Variants in CHKA observed in about 807,000 individuals in gnomAD.
The protein encoded by CHKA is CHETK-alpha.
A neutral mutation model predicts 60.1 loss-of-function variants in CHKA; 34 were observed. The observed-to-expected ratio is 0.57, with a 90% CI of 0.43 to 0.75. The LOEUF (loss-of-function observed/expected upper bound fraction) is 0.75, where lower values mean the gene tolerates loss of function less well. Among genes scored for constraint, CHKA ranks in the 30% least tolerant of loss-of-function variants. The probability of loss-of-function intolerance (pLI) is 0.00; values close to 1 mark genes in which losing one functional copy is unlikely to be tolerated. For synonymous variants in CHKA, 217 were observed against 223.1 expected (o/e 0.97, Z 0.24); for missense variants, 563 against 561.3 (o/e 1.00, Z -0.03).
intron 1 of CHKA, among the ~76,000 whole-genome samples, chr11:68,109,235 G>T (rs372537097): frequency 6.6e-6 from 1 of 151,544 alleles, no homozygotes; most frequent in Non-Finnish European, 1.5e-5. Flanking sequence ...GACTACAGGC[G>T]CCCGCCACCA....
At chr11:68,117,122 C>T (rs1858418161) in intron 1 of CHKA, among the ~76,000 whole-genome samples, 1 of 152,058 alleles carries the variant, frequency 6.6e-6, no homozygotes, top group Non-Finnish European at 1.5e-5. Flanking sequence ...ACAAGGCCTG[C>T]ATGTACAAAG....
At chr11:68,080,787 G>A (rs1856961862) in intron 3 of CHKA, among the ~76,000 whole-genome samples, 1 of 152,236 alleles carries the variant, frequency 6.6e-6, no homozygotes, top group Non-Finnish European at 1.5e-5. Flanking sequence ...TGGCAGAGAT[G>A]CTCAAAAGGT....
chr11:68,073,375 C>T (rs111857285), intron 4 of CHKA, among the ~76,000 whole-genome samples: 2,148 of 152,130 alleles, frequency 0.014, 62 homozygotes, highest in African/African-American at 0.049. Flanking sequence ...TCATCTCGGC[C>T]GGGCGCGGTG....
chr11:68,073,959 T>G (rs1328907123), intron 4 of CHKA, among the ~76,000 whole-genome samples: 1 of 152,136 alleles, frequency 6.6e-6, no homozygotes, highest in Admixed American at 6.5e-5. Context: ...AGACGAGCAT[T>G]GCCAATCAAA....
At chr11:68,071,128 A>AACT in intron 4 of CHKA, among the ~76,000 whole-genome samples, 1 of 152,226 alleles carries the variant, frequency 6.6e-6, no homozygotes, top group East Asian at 1.9e-4. Context: ...AATTTTATTG[A>AACT]ACTACTACAC....
At chr11:68,084,882 T>C (rs1857131599) in intron 2 of CHKA, among the ~76,000 whole-genome samples, 1 of 152,126 alleles carries the variant, frequency 6.6e-6, no homozygotes, top group Admixed American at 6.5e-5. Context: ...AGGGTATATC[T>C]GAAATTCCCC....
chr11:68,084,445 T>C (rs1012778237), intron 2 of CHKA, among the ~76,000 whole-genome samples: 2 of 142,558 alleles, frequency 1.4e-5, no homozygotes, highest in Non-Finnish European at 3.1e-5. Flanking sequence ...TACGTATATA[T>C]ATGTGTGTAT....
intron 2 of CHKA, among the ~76,000 whole-genome samples, chr11:68,086,487 C>A: frequency 6.6e-6 from 1 of 152,128 alleles, no homozygotes; most frequent in Non-Finnish European, 1.5e-5. Flanking sequence ...CCTATTTAAG[C>A]CATCAGACAG....
intron 6 of CHKA, 94 bp from the exon 7 acceptor site, chr11:68,069,031 C>T (rs1280335116): frequency 1.2e-6 from 1 of 865,822 alleles, no homozygotes; most frequent in Non-Finnish European, 1.9e-6. Context: ...AATTCGTGCT[C>T]CAAAGCAACA....
chr11:68,081,112 A>G (rs554313926), intron 3 of CHKA, among the ~76,000 whole-genome samples: 1 of 152,312 alleles, frequency 6.6e-6, no homozygotes, highest in Non-Finnish European at 1.5e-5. Flanking sequence ...ATCAGGTACC[A>G]CACACGAATG....
intron 10 of CHKA, among the ~76,000 whole-genome samples, chr11:68,062,309 A>G (rs1856279181): frequency 6.6e-6 from 1 of 152,244 alleles, no homozygotes; most frequent in Non-Finnish European, 1.5e-5. Context: ...CTTGGCCATA[A>G]TATATTCACA....
chr11:68,111,524 A>G (rs1858140719), intron 1 of CHKA, among the ~76,000 whole-genome samples: 1 of 152,028 alleles, frequency 6.6e-6, no homozygotes, highest in African/African-American at 2.4e-5. Context: ...GGTTGCAGTG[A>G]GCCAAGATCA....
intron 1 of CHKA, among the ~76,000 whole-genome samples, chr11:68,100,608 A>C (rs867262938): frequency 1.7e-4 from 26 of 150,324 alleles, no homozygotes; most frequent in Middle Eastern, 6.9e-3. Context: ...TAAATACATA[A>C]ATAAATAAAT....
chr11:68,097,892 G>A (rs1451419124), intron 1 of CHKA, among the ~76,000 whole-genome samples: 1 of 152,142 alleles, frequency 6.6e-6, no homozygotes, highest in Admixed American at 6.5e-5. Context: ...CCAGGCATAT[G>A]GCTCGAGTCC....
intron 1 of CHKA, among the ~76,000 whole-genome samples, chr11:68,105,242 C>T (rs1391550164): frequency 6.6e-6 from 1 of 151,962 alleles, no homozygotes; most frequent in Non-Finnish European, 1.5e-5. Context: ...CTAGGCCGGA[C>T]ATGGTGGCTC....
chr11:68,055,782 T>C (rs1030668465), intron 11 of CHKA, among the ~76,000 whole-genome samples: 7 of 152,034 alleles, frequency 4.6e-5, no homozygotes, highest in African/African-American at 1.2e-4. Flanking sequence ...CGGTGGCTCA[T>C]GCCTGTAATC....
chr11:68,070,402 A>G (rs1246791366), intron 5 of CHKA, 109 bp from the exon 6 acceptor site: 10 of 842,236 alleles, frequency 1.2e-5, no homozygotes, highest in African/African-American at 5.1e-5. Flanking sequence ...CGCAGTCACA[A>G]TGCCAGTGGG....
chr11:68,089,562 ATGTT>A (rs1857287551), intron 2 of CHKA, among the ~76,000 whole-genome samples: 1 of 152,168 alleles, frequency 6.6e-6, no homozygotes, highest in Non-Finnish European at 1.5e-5. Context: ...AAATTCCTAA[ATGTT>A]TGTCATTTTC....
chr11:68,119,027 T>G (rs1858500969), intron 1 of CHKA, among the ~76,000 whole-genome samples: 1 of 152,338 alleles, frequency 6.6e-6, no homozygotes, highest in East Asian at 1.9e-4. Context: ...AAGTCACTTC[T>G]CCTTTAGGTT....
Sources: gnomAD v4.1 joint callset for allele counts (sites outside exome capture counted in the v4.1 genomes callset) on GRCh38, gnomAD v4.1.1 for gene constraint, MANE v1.5 for transcripts, NCBI Gene and HGNC (gene_info 2026-07-23, HGNC 2026-07-21) for gene names.